PTPRD: variants seen among roughly 807,000 people sequenced by gnomAD.
PTPRD encodes receptor-type tyrosine-protein phosphatase delta.
A neutral mutation model predicts 214.5 loss-of-function variants in PTPRD; 34 were observed. That is an observed-to-expected ratio of 0.16 (90% CI 0.12 to 0.21). The LOEUF (loss-of-function observed/expected upper bound fraction) is 0.21. Among genes scored for constraint, PTPRD ranks in the 10% least tolerant of loss-of-function variants. The pLI, the probability that PTPRD is intolerant of heterozygous loss-of-function variation, is 1.00. For missense variants in PTPRD, 2,545 were observed against 2,398.7 expected (o/e 1.06, Z -1.27); for synonymous variants, 1,128 against 845.7 (o/e 1.33, Z -5.79).
chr9:9,968,681 A>G lies in PTPRD; in HGVS notation c.-471-30071T>C, dbSNP rs148832078. On this transcript the variant is annotated intron_variant, in intron 4 of 45. Coordinates refer to ENST00000381196, the MANE Select transcript of PTPRD (RefSeq NM_002839.4). ...TCTTTATGAATTCTGAGGATTCCCA[A>G]AAAGAAAAATTCCTCTTCCACTCCT... Among the ~76,000 whole-genome samples, 26 of 152,250 alleles carry G rather than the reference A, an allele frequency of 1.7e-4. No homozygotes were observed. In the East Asian group the frequency reaches 2.7e-3, roughly 16 times the overall value.
intron 4 of PTPRD, among the ~76,000 whole-genome samples, chr9:9,951,003 T>C (rs561977281): frequency 3.1e-4 from 47 of 152,262 alleles, no homozygotes; most frequent in Admixed American, 1.4e-3. Context: ...CTCACTGGTA[T>C]GAAAGTAACA....
Position 10,589,875 on chromosome 9 carries a change from T to C in PTPRD, c.-600+22523A>G, listed in dbSNP as rs73398216. Among the ~76,000 whole-genome samples the C allele has an allele frequency of 5.3e-3, 808 of 152,246 alleles. 11 individuals are homozygous for C. Among genetic ancestry groups the C allele is most frequent in the African/African-American group, 0.019 (773 of 41,568 alleles). On this transcript the variant is annotated intron_variant, in intron 2 of 45. Coordinates refer to ENST00000381196, the MANE Select transcript of PTPRD (RefSeq NM_002839.4). ...CTGGAACGCCTAAGAATATTTAGCATGTTTTACAGAAGGCTAAGAAATGCA... is the reference window on the plus strand; with the variant it reads ...CTGGAACGCCTAAGAATATTTAGCACGTTTTACAGAAGGCTAAGAAATGCA...
At chr9:9,204,889 A>G (rs1593503333) in intron 9 of PTPRD, among the ~76,000 whole-genome samples, 1 of 152,318 alleles carries the variant, frequency 6.6e-6, no homozygotes, top group Non-Finnish European at 1.5e-5. Context: ...AGAACTAAGA[A>G]TTTCAGAGTT....
intron 6 of PTPRD, among the ~76,000 whole-genome samples, chr9:9,737,669 T>C (rs1388573683): frequency 1.3e-5 from 2 of 152,216 alleles, no homozygotes; most frequent in African/African-American, 4.8e-5. Flanking sequence ...AATATAATAG[T>C]ACTTTATTCC....
intron 11 of PTPRD, among the ~76,000 whole-genome samples, chr9:8,775,774 AG>A (rs2095446605): frequency 1.3e-5 from 2 of 152,088 alleles, no homozygotes; most frequent in Non-Finnish European, 2.9e-5. Flanking sequence ...ACTTGAGCTC[AG>A]GAGTTCAAGA....
rs557348189 is a variant in PTPRD, at chr9:10,317,267, A to G, written c.-545+23696T>C. Among the ~76,000 whole-genome samples the G allele has an allele frequency of 3.3e-5, 5 of 152,080 alleles. No homozygotes were observed. The East Asian group carries it at 9.7e-4, about 30-fold the overall frequency. Reference sequence around the variant, plus strand: ...CTATCTAATTTAATTAGTTAATTAGATTTTTATGCTATCATTTGAAAGTAG... The same window carrying G: ...CTATCTAATTTAATTAGTTAATTAGGTTTTTATGCTATCATTTGAAAGTAG... On this transcript the variant is annotated intron_variant, in intron 3 of 45. Transcript: ENST00000381196.
chr9:10,125,337 A>G (rs1419248333), intron 3 of PTPRD, among the ~76,000 whole-genome samples: 1 of 151,414 alleles, frequency 6.6e-6, no homozygotes, highest in African/African-American at 2.4e-5. Flanking sequence ...AATGTGGTGA[A>G]CCAAAGGAAA....
intron 9 of PTPRD, among the ~76,000 whole-genome samples, chr9:9,354,403 C>G (rs575132060): frequency 2.8e-4 from 43 of 151,852 alleles, no homozygotes; most frequent in Non-Finnish European, 5.0e-4. Context: ...ATACTTCTTT[C>G]AATATCTTAA....
intron 3 of PTPRD, among the ~76,000 whole-genome samples, chr9:10,102,751 G>A (rs1375457855): frequency 1.3e-5 from 2 of 151,484 alleles, no homozygotes; most frequent in Non-Finnish European, 3.0e-5. Context: ...GCTTCAAAAT[G>A]AGTATAAAGA....
At chr9:10,405,607 A>G (rs1243709118) in intron 2 of PTPRD, among the ~76,000 whole-genome samples, 1 of 151,592 alleles carries the variant, frequency 6.6e-6, no homozygotes, top group Non-Finnish European at 1.5e-5. Context: ...AATCACTTAT[A>G]TATTAGTTTA....
intron 9 of PTPRD, among the ~76,000 whole-genome samples, chr9:9,270,466 G>A (rs954756280): frequency 2.6e-5 from 4 of 151,338 alleles, no homozygotes; most frequent in African/African-American, 4.8e-5. Context: ...AGAAGTGCAT[G>A]TAACAAAGTG....
chr9:9,301,547 G>A (rs1008201415), intron 9 of PTPRD, among the ~76,000 whole-genome samples: 27 of 151,916 alleles, frequency 1.8e-4, no homozygotes, highest in African/African-American at 6.3e-4. Flanking sequence ...TACCTGTGTT[G>A]TTCTGTATTT....
intron 9 of PTPRD, among the ~76,000 whole-genome samples, chr9:9,225,352 A>C (rs556419036): frequency 3.9e-5 from 6 of 152,178 alleles, no homozygotes; most frequent in African/African-American, 1.4e-4. Flanking sequence ...CACACTGAAC[A>C]AGCCTTAACA....
At chr9:8,441,216 G>C (rs1287745674) in intron 34 of PTPRD, among the ~76,000 whole-genome samples, 1 of 152,110 alleles carries the variant, frequency 6.6e-6, no homozygotes, top group Non-Finnish European at 1.5e-5. Flanking sequence ...AGAAAGAACA[G>C]TAATTCTTTA....
At chr9:10,156,078 T>TTGTGTGTGTG (rs71485323) in intron 3 of PTPRD, among the ~76,000 whole-genome samples, 30 of 132,630 alleles carry the variant, frequency 2.3e-4, no homozygotes, top group East Asian at 6.8e-4. Context: ...TTTTGAATGT[T>TTGTGTGTGTG]TGTGTGTGTG....
chr9:10,487,371 CTTCT>C (rs1360585484), intron 2 of PTPRD, among the ~76,000 whole-genome samples: 1 of 152,104 alleles, frequency 6.6e-6, no homozygotes, highest in African/African-American at 2.4e-5. Context: ...TCTTCTCTTC[CTTCT>C]TTCTTCCCTT....
intron 3 of PTPRD, among the ~76,000 whole-genome samples, chr9:10,217,414 T>G (rs2099546733): frequency 2.0e-5 from 3 of 151,878 alleles, no homozygotes; most frequent in African/African-American, 4.8e-5. Context: ...ATGAGTGGTT[T>G]GTACTCCCAA....
chr9:8,817,934 G>A (rs1252663131), intron 11 of PTPRD, among the ~76,000 whole-genome samples: 2 of 152,166 alleles, frequency 1.3e-5, no homozygotes, highest in African/African-American at 4.8e-5. Flanking sequence ...TAGTTGCTCA[G>A]GGGTTTTTAA....
At chr9:8,836,587 C>CTTT (rs34572407) in intron 11 of PTPRD, among the ~76,000 whole-genome samples, 7,116 of 66,832 alleles carry the variant, frequency 0.11, 707 homozygotes, top group East Asian at 0.21. Flanking sequence ...TAATAAAAAC[C>CTTT]TTTTTTTTTT....
Sources: allele counts gnomAD v4.1 joint callset (sites outside exome capture counted in the v4.1 genomes callset), GRCh38; gene constraint gnomAD v4.1.1; transcripts MANE v1.5; gene names NCBI Gene and HGNC (gene_info 2026-07-23, HGNC 2026-07-21).